Variants in NCAPD3 observed in about 807,000 individuals in gnomAD.
NCAPD3 encodes the protein condensin-2 complex subunit D3.
A neutral mutation model predicts 182.9 loss-of-function variants in NCAPD3; 105 were observed. That is an observed-to-expected ratio of 0.57 (90% CI 0.49 to 0.68). NCAPD3 has a LOEUF of 0.68. Ranked by LOEUF, NCAPD3 falls within the 30% of genes least tolerant of loss-of-function variation. NCAPD3 has a pLI of 0.00. For missense variants in NCAPD3, 1,944 were observed against 1,837.0 expected, an observed-to-expected ratio of 1.06 and a Z score of -1.07; for synonymous variants, 815 against 679.9, an observed-to-expected ratio of 1.20 and a Z score of -3.09.
chr11:134,223,816 T>A (rs370240668), intron 1 of NCAPD3, 47 bp downstream of exon 1: 1 of 1,497,806 alleles, frequency 6.7e-7, no homozygotes, highest in Non-Finnish European at 9.1e-7. Context: ...CGGGGACGCA[T>A]AGGACCCTCG....
chr11:134,185,615 TCTG>T, intron 16 of NCAPD3, 89 bp from the exon 17 acceptor site: 1 of 1,106,444 alleles, frequency 9.0e-7, no homozygotes, highest in South Asian at 1.7e-5. Context: ...GGTATCAACT[TCTG>T]CTGCTCCAGG....
chr11:134,197,709 T>C (rs983354049), intron 13 of NCAPD3, among the ~76,000 whole-genome samples: 5 of 152,218 alleles, frequency 3.3e-5, no homozygotes, highest in African/African-American at 1.2e-4. Flanking sequence ...TTGGGATTTA[T>C]CCCAGGAATG....
chr11:134,223,587 G>A, intron 1 of NCAPD3: 1 of 673,522 alleles, frequency 1.5e-6, no homozygotes, highest in Non-Finnish European at 2.7e-6. Context: ...GACACGCACA[G>A]GAAGAAGGGG....
chr11:134,156,595 G>T (rs908092465), intron 32 of NCAPD3, among the ~76,000 whole-genome samples: 5 of 152,186 alleles, frequency 3.3e-5, no homozygotes, highest in African/African-American at 1.2e-4. Flanking sequence ...CCGGGTCTCT[G>T]GTCTTGGCAG....
chr11:134,225,282 C>T (rs1938428367), upstream of NCAPD3: 1 of 1,614,058 alleles, frequency 6.2e-7, no homozygotes, highest in African/African-American at 1.3e-5. Flanking sequence ...GAGCCTTGCC[C>T]TCAAGAACCC....
At chr11:134,195,321 A>G (rs1048319664) in intron 13 of NCAPD3, among the ~76,000 whole-genome samples, 1 of 151,956 alleles carries the variant, frequency 6.6e-6, no homozygotes, top group Non-Finnish European at 1.5e-5. Context: ...CTGGTCTCGA[A>G]CTCCTAGCCT....
In NCAPD3 at chr11:134,184,963, G is replaced by A; in HGVS notation, c.2275C>T (p.Leu759Phe). 6.2e-7 allele frequency: 1 copy of A among 1,613,862 alleles called. No individual in the cohort carries two copies. The change falls in exon 18 of 35, where the codon CTC becomes TTC. Residue 759 changes from leucine (L) to phenylalanine (F), a missense_variant. Physicochemically the swap from Leu to Phe is conservative, Grantham distance 22. This residue lies in a region of NCAPD3 where 1,803 missense variants were observed against 1,674.6 expected (regional missense o/e 1.08). Coordinates refer to ENST00000534548, the MANE Select transcript of NCAPD3 (RefSeq NM_015261.3). ...NPNSNTLGHI[L>F]CVIGHIAKHL... is the part of the protein sequence containing the mutation. ...TTTGCAATATGCCCAATCACACAGA[G>A]AATATGTCCTAAGGTGTTTGAATTG...
intron 13 of NCAPD3, among the ~76,000 whole-genome samples, chr11:134,196,514 C>T (rs1377534542): frequency 7.9e-5 from 12 of 151,520 alleles, no homozygotes; most frequent in African/African-American, 2.7e-4. Flanking sequence ...GGTGTGGGGG[C>T]GGGTGCTTGT....
At chr11:134,167,178 C>T (rs533164208) in intron 27 of NCAPD3, among the ~76,000 whole-genome samples, 12 of 121,844 alleles carry the variant, frequency 9.8e-5, no homozygotes, top group African/African-American at 3.3e-4. Context: ...TTGGGGGAGG[C>T]GCACACTCGT....
At chr11:134,165,830 G>T (rs568633034) in intron 27 of NCAPD3, among the ~76,000 whole-genome samples, 2 of 144,556 alleles carry the variant, frequency 1.4e-5, no homozygotes, top group South Asian at 4.6e-4. Context: ...GAGCTTGGGG[G>T]AGGCGCACAC....
Position 134,151,279 on chromosome 11 carries a change from T to G in NCAPD3, c.*1665A>C, listed in dbSNP as rs1384450432. On this transcript the variant is annotated 3_prime_UTR_variant, in exon 35 of 35. Coordinates refer to ENST00000534548, the MANE Select transcript of NCAPD3 (RefSeq NM_015261.3). Reference sequence around the variant, plus strand: ...CAGGCCGCCTGGCAGAGGCAGGAAATGCTCCAGCAGTGGCTCAGTGCTCCC... The same window carrying G: ...CAGGCCGCCTGGCAGAGGCAGGAAAGGCTCCAGCAGTGGCTCAGTGCTCCC... 1 of 152,244 alleles carries G rather than the reference T, an allele frequency of 6.6e-6. No individual in the cohort carries two copies. Among genetic ancestry groups the G allele is most frequent in the African/African-American group, 2.4e-5 (1 of 41,464 alleles). 9.4% of individuals were successfully genotyped at this position (152,244 alleles called of 1,614,324 possible). A position where few individuals can be genotyped will look rare whatever the true frequency, so the allele number is the denominator to read the frequency against.
At chr11:134,215,646 A>G (rs1937987498) in intron 3 of NCAPD3, among the ~76,000 whole-genome samples, 1 of 152,234 alleles carries the variant, frequency 6.6e-6, no homozygotes, top group Non-Finnish European at 1.5e-5. Context: ...ATTAAAGAAG[A>G]TCTACAATAA....
In NCAPD3 at chr11:134,168,085, T is replaced by C; in HGVS notation, c.3484A>G (p.Lys1162Glu). Residue 1162 changes from lysine (K) to glutamate (E), a missense_variant, in exon 27 of 35, where the codon AAA becomes GAA. Coordinates refer to ENST00000534548, the MANE Select transcript of NCAPD3 (RefSeq NM_015261.3). ...TCCATAAGGAGGTCTTTGTCTGGTT[T>C]AGATCTCATTGCCAAAAGCTTGATC... Reference protein sequence around the residue: ...KEIKLLAMRSKPDKDLLMEED... With the variant: ...KEIKLLAMRSEPDKDLLMEED... 6.2e-7 allele frequency: 1 copy of C among 1,614,178 alleles called. No homozygotes were observed. The highest frequency in any genetic ancestry group is 8.5e-7 in the Non-Finnish European group (1 of 1,179,996).
At chr11:134,171,906 C>T (rs560884586) in intron 24 of NCAPD3, among the ~76,000 whole-genome samples, 1 of 152,174 alleles carries the variant, frequency 6.6e-6, no homozygotes, top group Admixed American at 6.5e-5. Flanking sequence ...ATTTCCCGGA[C>T]CCCCAGTGCC....
intron 32 of NCAPD3, chr11:134,153,635 C>CCG (rs1408585249): frequency 2.0e-6 from 1 of 507,232 alleles, no homozygotes; most frequent in Non-Finnish European, 3.6e-6. Context: ...GGCTTCCCTC[C>CCG]CGCCGTCTTC....
chr11:134,208,573 T>C (rs2136018059), intron 7 of NCAPD3, among the ~76,000 whole-genome samples: 3 of 152,350 alleles, frequency 2.0e-5, no homozygotes, highest in Admixed American at 2.0e-4. Flanking sequence ...AAGTAACTGT[T>C]CAGCAGTTTA....
chr11:134,225,041 T>C (rs532732903), upstream of NCAPD3: 127 of 1,393,166 alleles, frequency 9.1e-5, no homozygotes, highest in African/African-American at 1.7e-3. Context: ...CATCGGGCCC[T>C]CTGGCCTTCT....
rs761529485 is a variant in NCAPD3 at position 134,151,225 on chromosome 11, T to A, written c.*1719A>T. The A allele has an allele frequency of 3.3e-5, 5 of 152,222 alleles. No individual in the cohort carries two copies. Among genetic ancestry groups the A allele is most frequent in the Non-Finnish European group, 7.3e-5 (5 of 68,052 alleles). 9.4% of individuals were successfully genotyped at this position (152,222 alleles called of 1,614,324 possible). A position where few individuals can be genotyped will look rare whatever the true frequency, so the allele number is the denominator to read the frequency against. ...ATTGCATACATGAGACTGTGTTGAC[T>A]TTTTTTAGTTATGTGAAACACTTTG... On this transcript the variant is annotated 3_prime_UTR_variant, in exon 35 of 35. Transcript: ENST00000534548.
chr11:134,197,948 G>A (rs1944671646), intron 13 of NCAPD3, among the ~76,000 whole-genome samples: 1 of 152,120 alleles, frequency 6.6e-6, no homozygotes, highest in East Asian at 1.9e-4. Flanking sequence ...AAGACCAAAA[G>A]CTTTCCCCCT....
Sources: gnomAD v4.1 joint callset for allele counts (sites outside exome capture counted in the v4.1 genomes callset) on GRCh38, gnomAD v4.1.1 for gene constraint, gnomAD v4.1.1 regional missense constraint, MANE v1.5 for transcripts, NCBI Gene and HGNC (gene_info 2026-07-23, HGNC 2026-07-21) for gene names.